The following IGSF21 variants were observed in gnomAD, a reference collection of about 807,000 sequenced individuals.
The protein encoded by IGSF21 is immunoglobulin superfamily member 21.
In IGSF21, 28 loss-of-function variants were observed where a neutral mutation model predicts 46.8. That is an observed-to-expected ratio of 0.60 (90% confidence interval 0.44 to 0.82). IGSF21 has a LOEUF of 0.82. IGSF21 is among the 40% of genes least tolerant of loss of function. IGSF21 has a pLI of 0.00. For synonymous variants in IGSF21, 284 were observed against 273.6 expected, an observed-to-expected ratio of 1.04 and a Z score of -0.38; for missense variants, 624 against 665.5, an observed-to-expected ratio of 0.94 and a Z score of 0.69.
At chr1:18,209,192 A>T (rs534540636) in intron 1 of IGSF21, among the ~76,000 whole-genome samples, 8 of 152,342 alleles carry the variant, frequency 5.3e-5, no homozygotes, top group African/African-American at 1.9e-4. Context: ...CAATAGTGGT[A>T]GCATCAACCA....
At chr1:18,111,645 C>T (rs901707122) in intron 1 of IGSF21, 1 of 152,174 alleles carries the variant, frequency 6.6e-6, no homozygotes, top group African/African-American at 2.4e-5. Flanking sequence ...TCCAATAGCC[C>T]CGATTATATG....
intron 6 of IGSF21, among the ~76,000 whole-genome samples, chr1:18,372,672 G>GTTTT (rs1166287256): frequency 6.6e-6 from 1 of 151,710 alleles, no homozygotes; most frequent in African/African-American, 2.4e-5. Context: ...ATGGGTGGAT[G>GTTTT]GAGGGATGGA....
At chr1:18,174,672 C>T (rs12038815) in intron 1 of IGSF21, among the ~76,000 whole-genome samples, 51,117 of 152,098 alleles carry the variant, frequency 0.34, 9,685 homozygotes, top group East Asian at 0.53. Flanking sequence ...CGATTCCCAT[C>T]GCCTTCTCCC....
At chr1:18,307,918 T>G (rs755678432) in intron 3 of IGSF21, among the ~76,000 whole-genome samples, 57 of 152,304 alleles carry the variant, frequency 3.7e-4, no homozygotes, top group Admixed American at 1.6e-3. Flanking sequence ...GCTTCAGAAC[T>G]TACATGCTTA....
At chr1:18,200,569 C>A in intron 1 of IGSF21, among the ~76,000 whole-genome samples, 1 of 152,152 alleles carries the variant, frequency 6.6e-6, no homozygotes, top group East Asian at 1.9e-4. Flanking sequence ...GTGGCCTGCT[C>A]CCTCTGTGTC....
intron 2 of IGSF21, among the ~76,000 whole-genome samples, chr1:18,249,623 C>T (rs1205945723): frequency 6.6e-6 from 1 of 152,188 alleles, no homozygotes; most frequent in East Asian, 1.9e-4. Context: ...CGTGGTGTCT[C>T]TCACCCCGCT....
At chr1:18,177,677 C>G (rs185573842) in intron 1 of IGSF21, among the ~76,000 whole-genome samples, 1 of 152,088 alleles carries the variant, frequency 6.6e-6, no homozygotes, top group Non-Finnish European at 1.5e-5. Flanking sequence ...AATGTCTCAT[C>G]CCCTCTCTCC....
At chr1:18,115,842 G>GAAGGAAGGAAGGAAGAAAGAAAGA (rs1326188397) in intron 1 of IGSF21, 2 of 87,766 alleles carry the variant, frequency 2.3e-5, no homozygotes, top group African/African-American at 1.0e-4. Flanking sequence ...AGGAAGGAAG[G>GAAGGAAGGAAGGAAGAAAGAAAGA]AAGAAAGAAA....
intron 3 of IGSF21, among the ~76,000 whole-genome samples, chr1:18,314,605 CAGGGATCAGGGAAGGCA>C (rs2085522200): frequency 6.6e-6 from 1 of 152,152 alleles, no homozygotes; most frequent in Non-Finnish European, 1.5e-5. Flanking sequence ...GTGAAGGAGC[CAGGGATCAGGGAAGGCA>C]AGTGACTTGC....
chr1:18,108,184 TG>T lies in IGSF21; in HGVS notation c.58del (p.Asp20ThrfsTer7). ...GTCTGCCTGCTGCTCGCCGCGATCC[TG>T]GACCTGGCGCGCGGTGAGTGCGCGG... Reference protein sequence around the residue: ...RCVCLLLAAILDLARGYLTVN... With the variant: ...RCVCLLLAAIXDLARGYLTVN... On this transcript the variant is annotated frameshift_variant, in exon 1 of 10. Transcript: ENST00000251296. LOFTEE classifies it high-confidence loss of function. 6.9e-7 allele frequency: 1 copy of T among 1,440,308 alleles called. No individual in the cohort carries two copies. Among genetic ancestry groups the T allele is most frequent in the Admixed American group, 2.5e-5 (1 of 39,398 alleles). The allele number at this position is 1,440,308 out of a possible 1,614,324, so 89.2% of individuals were successfully genotyped here. A position where few individuals can be genotyped will look rare whatever the true frequency, so the allele number is the denominator to read the frequency against.
At chr1:18,353,288 T>C (rs1004640739) in intron 4 of IGSF21, among the ~76,000 whole-genome samples, 17 of 152,078 alleles carry the variant, frequency 1.1e-4, no homozygotes, top group African/African-American at 4.1e-4. Context: ...TTCGGGTCTC[T>C]GCTGGGAGAG....
chr1:18,200,796 A>T (rs985780450), intron 1 of IGSF21, among the ~76,000 whole-genome samples: 1 of 152,118 alleles, frequency 6.6e-6, no homozygotes, highest in East Asian at 1.9e-4. Flanking sequence ...AGTGGCCGGG[A>T]TCCACGTTGC....
At chr1:18,192,704 C>T (rs145987876) in intron 1 of IGSF21, among the ~76,000 whole-genome samples, 86 of 152,110 alleles carry the variant, frequency 5.7e-4, no homozygotes, top group African/African-American at 2.0e-3. Flanking sequence ...GGCATCGTTC[C>T]CCTGCAATGA....
chr1:18,182,235 G>T (rs1390939171), intron 1 of IGSF21, among the ~76,000 whole-genome samples: 1 of 145,978 alleles, frequency 6.9e-6, no homozygotes, highest in Non-Finnish European at 1.5e-5. Flanking sequence ...GGAGTGCAGT[G>T]GCGTGATCTC....
chr1:18,113,162 A>G (rs2086157739), intron 1 of IGSF21: 1 of 152,216 alleles, frequency 6.6e-6, no homozygotes, highest in South Asian at 2.1e-4. Context: ...GGAGGCTGCA[A>G]AGCTGTTCAT....
chr1:18,291,795 G>A, intron 2 of IGSF21, 71 bp from the exon 3 acceptor site: 1 of 1,573,218 alleles, frequency 6.4e-7, no homozygotes, highest in Non-Finnish European at 8.7e-7. Context: ...CATCTTGTCA[G>A]TGTCCTGGGG....
Position 18,291,936 on chromosome 1 carries a change from A to C in IGSF21, c.254A>C (p.His85Pro), listed in dbSNP as rs2085271491. 6.2e-7 allele frequency: 1 copy of C among 1,613,834 alleles called. No individual in the cohort carries two copies. Among genetic ancestry groups the C allele is most frequent in the African/African-American group, 1.3e-5 (1 of 74,876 alleles). Residue 85 changes from histidine to proline, a missense_variant, in exon 3 of 10, where the codon CAC becomes CCC. Coordinates refer to ENST00000251296, the MANE Select transcript of IGSF21 (RefSeq NM_032880.5). ...GCCATGTTCTCCACCAACTACTCAC[A>C]CATGGAGAACTACCGCAAGCGAGAG... Reference protein sequence around the residue: ...FDAMFSTNYSHMENYRKREDL... With the variant: ...FDAMFSTNYSPMENYRKREDL...
chr1:18,325,737 C>T (rs2085651523), intron 3 of IGSF21, among the ~76,000 whole-genome samples: 1 of 152,170 alleles, frequency 6.6e-6, no homozygotes, highest in Non-Finnish European at 1.5e-5. Flanking sequence ...CTAGGGAGGC[C>T]CTTTCCTGCC....
intron 2 of IGSF21, among the ~76,000 whole-genome samples, chr1:18,241,329 G>A (rs917402485): frequency 1.7e-4 from 26 of 152,094 alleles, no homozygotes; most frequent in African/African-American, 4.6e-4. Context: ...CCTGCCCCTC[G>A]AGGCTCCTCT....
Sources: gnomAD v4.1 joint callset for allele counts (sites outside exome capture counted in the v4.1 genomes callset) on GRCh38, gnomAD v4.1.1 for gene constraint, MANE v1.5 for transcripts, NCBI Gene and HGNC (gene_info 2026-07-23, HGNC 2026-07-21) for gene names.